The following TBL1XR1 variants were observed in gnomAD, a reference collection of about 807,000 sequenced individuals.
The protein encoded by TBL1XR1 is TBL1X/Y related 1.
Under a neutral mutation model 66.9 loss-of-function variants are expected in TBL1XR1, and 5 were observed. The ratio of observed to expected loss-of-function variants is 0.07; its 90% confidence interval spans 0.04 to 0.16. The LOEUF is 0.16. Among genes scored for constraint, TBL1XR1 ranks in the 10% least tolerant of loss-of-function variants. The pLI, the probability that TBL1XR1 is intolerant of heterozygous loss-of-function variation, is 1.00. For missense variants in TBL1XR1, 238 were observed against 623.2 expected (o/e 0.38, Z 6.58); for synonymous variants, 210 against 206.0 (o/e 1.02, Z -0.17).
chr3:177,192,061 C>G (rs1340513662), intron 1 of TBL1XR1, among the ~76,000 whole-genome samples: 2 of 147,804 alleles, frequency 1.4e-5, no homozygotes, highest in Non-Finnish European at 3.0e-5. Context: ...CCATTGCACT[C>G]CAGCATGGGT....
chr3:177,135,208 G>A (rs1728789137), intron 1 of TBL1XR1, among the ~76,000 whole-genome samples: 2 of 149,000 alleles, frequency 1.3e-5, no homozygotes, highest in Admixed American at 1.3e-4. Context: ...CGCCACGTTG[G>A]CCAGACTGGT....
chr3:177,179,229 C>A (rs1366519894), intron 1 of TBL1XR1, among the ~76,000 whole-genome samples: 1 of 151,882 alleles, frequency 6.6e-6, no homozygotes, highest in Admixed American at 6.6e-5. Flanking sequence ...CCAAACTAGG[C>A]CAACAGGAAG....
chr3:177,056,332 T>C (rs997607670), intron 3 of TBL1XR1, among the ~76,000 whole-genome samples: 2 of 152,230 alleles, frequency 1.3e-5, no homozygotes, highest in African/African-American at 2.4e-5. Context: ...TGTCCAAGAA[T>C]AGTCTAAGAC....
At chr3:177,044,715 G>A (rs951411706) in intron 10 of TBL1XR1, 1 of 152,094 alleles carries the variant, frequency 6.6e-6, no homozygotes, top group African/African-American at 2.4e-5. Flanking sequence ...GAAAGAATAC[G>A]ATGGGTAAAC....
intron 2 of TBL1XR1, among the ~76,000 whole-genome samples, chr3:177,090,747 G>T (rs753669573): frequency 2.2e-4 from 34 of 152,292 alleles, no homozygotes; most frequent in South Asian, 6.2e-4. Context: ...TGAGGCGGAG[G>T]TTGCAGTGAG....
At chr3:177,121,384 A>T (rs1211644363) in intron 1 of TBL1XR1, among the ~76,000 whole-genome samples, 2 of 152,206 alleles carry the variant, frequency 1.3e-5, no homozygotes, top group African/African-American at 4.8e-5. Context: ...AAATTTAAAA[A>T]TAAAGTCCAT....
At chr3:177,183,470 C>T (rs1189110382) in intron 1 of TBL1XR1, among the ~76,000 whole-genome samples, 2 of 152,136 alleles carry the variant, frequency 1.3e-5, no homozygotes, top group Admixed American at 6.6e-5. Context: ...AGTTGTCAAC[C>T]AGAGCAGTGT....
At chr3:177,040,079 T>G (rs1374500263) in intron 10 of TBL1XR1, among the ~76,000 whole-genome samples, 1 of 152,090 alleles carries the variant, frequency 6.6e-6, no homozygotes, top group African/African-American at 2.4e-5. Context: ...AGCGCTTTGG[T>G]AGCAAAGGCA....
intron 2 of TBL1XR1, among the ~76,000 whole-genome samples, chr3:177,091,985 A>G (rs1560165655): frequency 6.6e-6 from 1 of 152,232 alleles, no homozygotes. Context: ...GCCTACTGTC[A>G]GGAATAAAAA....
chr3:177,182,710 C>G (rs1997393), intron 1 of TBL1XR1, among the ~76,000 whole-genome samples: 143,920 of 152,284 alleles, frequency 0.95, 68,175 homozygotes, highest in Admixed American at 0.98. Context: ...GCTAGAAACA[C>G]ATGACTAGTG....
chr3:177,170,000 G>C (rs563707124), intron 1 of TBL1XR1, among the ~76,000 whole-genome samples: 7 of 152,252 alleles, frequency 4.6e-5, no homozygotes, highest in Admixed American at 3.9e-4. Flanking sequence ...GGGTTGAGCA[G>C]TCTGTGTTTT....
intron 1 of TBL1XR1, among the ~76,000 whole-genome samples, chr3:177,167,142 C>T (rs1396983628): frequency 6.6e-6 from 1 of 152,152 alleles, no homozygotes; most frequent in Non-Finnish European, 1.5e-5. Flanking sequence ...TACATGCAGA[C>T]AATGGATTAT....
At chr3:177,026,209 G>A in intron 15 of TBL1XR1, among the ~76,000 whole-genome samples, 164 bp downstream of exon 15, 1 of 151,220 alleles carries the variant, frequency 6.6e-6, no homozygotes. Context: ...TACATTATTT[G>A]AATCCAACGC....
In TBL1XR1 at chr3:177,046,116, A is replaced by AT. The variant is rs771109644; in HGVS notation, c.925+12dup. 2 of 1,527,170 alleles carry AT rather than the reference A, an allele frequency of 1.3e-6. No homozygotes were observed. Among genetic ancestry groups the AT allele is most frequent in the South Asian group, 2.6e-5 (2 of 78,276 alleles). The allele number at this position is 1,527,170 out of a possible 1,614,324, so 94.6% of individuals were successfully genotyped here. On this transcript the variant is annotated intron_variant, in intron 10 of 15. Coordinates refer to ENST00000457928, the MANE Select transcript of TBL1XR1 (RefSeq NM_024665.7). ...GCAAGCTCCAGCTTTCACGTAAATTATAAGAAATTTACCTGAATGAAAAGG... is the reference window on the plus strand; with the variant it reads ...GCAAGCTCCAGCTTTCACGTAAATTATTAAGAAATTTACCTGAATGAAAAGG...
intron 2 of TBL1XR1, among the ~76,000 whole-genome samples, chr3:177,095,628 C>CAT: frequency 1.3e-5 from 2 of 151,638 alleles, no homozygotes; most frequent in African/African-American, 4.8e-5. Context: ...TACAGGTGTG[C>CAT]GCCACCACGC....
intron 5 of TBL1XR1, among the ~76,000 whole-genome samples, chr3:177,051,270 T>C (rs951641424): frequency 5.9e-5 from 9 of 151,944 alleles, no homozygotes; most frequent in Non-Finnish European, 1.0e-4. Context: ...TTTTTAAAAA[T>C]TCTTGTCTCC....
At chr3:177,042,506 G>A (rs1424663466) in intron 10 of TBL1XR1, among the ~76,000 whole-genome samples, 1 of 152,158 alleles carries the variant, frequency 6.6e-6, no homozygotes, top group Non-Finnish European at 1.5e-5. Flanking sequence ...AACGTAGGTT[G>A]TGTGATTAAC....
chr3:177,046,806 G>A (rs1170950453), intron 9 of TBL1XR1, among the ~76,000 whole-genome samples: 1 of 152,084 alleles, frequency 6.6e-6, no homozygotes, highest in Non-Finnish European at 1.5e-5. Context: ...TTATTAGCAT[G>A]CCCTTTCCTG....
chr3:177,096,291 A>C (rs1168618088), intron 2 of TBL1XR1, among the ~76,000 whole-genome samples: 1 of 151,376 alleles, frequency 6.6e-6, no homozygotes, highest in Non-Finnish European at 1.5e-5. Context: ...AGTTTGCTGT[A>C]ATCTTGGTCT....
Sources: gnomAD v4.1 joint callset for allele counts (sites outside exome capture counted in the v4.1 genomes callset) on GRCh38, gnomAD v4.1.1 for gene constraint, MANE v1.5 for transcripts, NCBI Gene and HGNC (gene_info 2026-07-23, HGNC 2026-07-21) for gene names.